The following ATG2B variants were observed in gnomAD, a reference collection of about 807,000 sequenced individuals.
The protein encoded by ATG2B is autophagy related 2B.
A neutral mutation model predicts 241.3 loss-of-function variants in ATG2B; 121 were observed. That is an observed-to-expected ratio of 0.50 (90% confidence interval 0.43 to 0.58). ATG2B has a LOEUF of 0.58. Among genes scored for constraint, ATG2B ranks in the 20% least tolerant of loss-of-function variants. The pLI, the probability that ATG2B is intolerant of heterozygous loss-of-function variation, is 0.00. For synonymous variants in ATG2B, 858 were observed against 876.6 expected (o/e 0.98, Z 0.37); for missense variants, 2,306 against 2,491.6 (o/e 0.93, Z 1.59).
chr14:96,353,356 G>A (rs1216881894), intron 1 of ATG2B, among the ~76,000 whole-genome samples: 1 of 152,172 alleles, frequency 6.6e-6, no homozygotes, highest in African/African-American at 2.4e-5. Flanking sequence ...TGGGCATGGT[G>A]GCTCCCACCT....
Position 96,285,799 on chromosome 14 carries a change from C to T in ATG2B, c.6193G>A (p.Val2065Ile), listed in dbSNP as rs766373306. The part of the protein sequence containing the change: ...GGMRNQIRPD[V>I]RQDESQKWRH... ...CATTTCTGTGACTCGTCTTGCCGGA[C>T]ATCTGGCCTAATTTGGTTTCTCATG... The change falls in exon 42 of 42, where the codon GTC (valine) becomes ATC (isoleucine). Residue 2065 changes from valine (V) to isoleucine (I), a missense_variant. Around this residue, in one of 2 missense-constraint regions of ATG2B, gnomAD observed 379 missense variants for 480.4 expected, o/e 0.79. Coordinates refer to ENST00000359933, the MANE Select transcript of ATG2B (RefSeq NM_018036.7). This position sits in a 1 kb window ranked among gnomAD's most constrained non-coding sequence, Gnocchi z 4.2. The T allele has an allele frequency of 6.2e-7, 1 of 1,614,118 alleles. No homozygotes were observed. Among genetic ancestry groups the T allele is most frequent in the Non-Finnish European group, 8.5e-7 (1 of 1,180,026 alleles).
intron 28 of ATG2B, among the ~76,000 whole-genome samples, chr14:96,310,128 C>A (rs1887109475): frequency 6.6e-6 from 1 of 152,062 alleles, no homozygotes; most frequent in Admixed American, 6.6e-5. Context: ...TCATTAAACC[C>A]AGATCGTGCT....
chr14:96,283,218 T>G lies in ATG2B; in HGVS notation c.*2537A>C, dbSNP rs1886245083. On this transcript the variant is annotated 3_prime_UTR_variant, in exon 42 of 42. Coordinates refer to ENST00000359933, the MANE Select transcript of ATG2B (RefSeq NM_018036.7). Reference sequence around the variant, plus strand: ...TGCTGACAGATCTCGATGGAGCTGCTTATGGGACTCCATGGGGGGAACTGT... The same window carrying G: ...TGCTGACAGATCTCGATGGAGCTGCGTATGGGACTCCATGGGGGGAACTGT... 1 of 152,258 alleles carries G rather than the reference T, an allele frequency of 6.6e-6. No homozygotes were observed. The highest frequency in any genetic ancestry group is 2.4e-5 in the African/African-American group (1 of 41,432). The allele number at this position is 152,258 out of a possible 1,614,324, so 9.4% of individuals were successfully genotyped here.
rs182802229 is a variant in ATG2B, at chr14:96,337,836, T to C, written c.925-3335A>G. On this transcript the variant is annotated intron_variant, in intron 6 of 41. Coordinates refer to ENST00000359933, the MANE Select transcript of ATG2B (RefSeq NM_018036.7). ...AAAAATGACGGTATTTTGATGGGAA[T>C]TGCATTGAATATGTGGATTGTTGTG... 2.7e-4 allele frequency among the ~76,000 whole-genome samples: 41 copies of C among 152,246 alleles called. 1 individual carries two copies. Among genetic ancestry groups the C allele is most frequent in the East Asian group, 1.9e-4 (1 of 5,184 alleles).
intron 41 of ATG2B, among the ~76,000 whole-genome samples, chr14:96,286,744 C>T (rs1886344797): frequency 6.6e-6 from 1 of 152,020 alleles, no homozygotes; most frequent in Admixed American, 6.6e-5. Flanking sequence ...TCAGAAATCC[C>T]TAGGGAACTC....
rs71103509 is a variant in ATG2B, at chr14:96,288,807, GA to G, written c.6006+848del. 8.5e-3 allele frequency among the ~76,000 whole-genome samples: 1,071 copies of G among 126,016 alleles called. 7 individuals are homozygous for G. The highest frequency in any genetic ancestry group is 0.011 in the Non-Finnish European group (686 of 60,546). The allele number at this position is 126,016 out of a possible 152,430, so 82.7% of individuals were successfully genotyped here. A position where few individuals can be genotyped will look rare whatever the true frequency, so the allele number is the denominator to read the frequency against. ...CAGGGAATGACGCTGACAACACCCA[GA>G]AAAAAAAAAAAAAACAGGGTTCACT... On this transcript the variant is annotated intron_variant, in intron 41 of 41. Transcript: ENST00000359933.
rs1468551365 is a variant in ATG2B, at chr14:96,332,307, G to C, written c.1466C>G (p.Thr489Arg). 1.2e-6 allele frequency: 2 copies of C among 1,607,818 alleles called. No homozygotes were observed. The highest frequency in any genetic ancestry group is 8.5e-7 in the Non-Finnish European group (1 of 1,174,844). The part of the protein sequence containing the change: ...NLVHPTPLQK[T>R]SLPSRSVSVD... ...ACAAATGTCTTATTTTTACTTACAT[G>C]TCTTCTGTAAAGGTGTTGGGTGAAC... Residue 489 changes from threonine to arginine, a missense_variant and splice_region_variant, in exon 10 of 42, where the codon ACA becomes AGA. Transcript: ENST00000359933.
chr14:96,360,430 G>A (rs1036635800), intron 1 of ATG2B, among the ~76,000 whole-genome samples: 1 of 152,156 alleles, frequency 6.6e-6, no homozygotes, highest in African/African-American at 2.4e-5. Context: ...CCATGATTTT[G>A]TTGCTGAAAA....
At chr14:96,352,312 T>C (rs909619551) in intron 1 of ATG2B, among the ~76,000 whole-genome samples, 7 of 152,158 alleles carry the variant, frequency 4.6e-5, no homozygotes, top group Non-Finnish European at 1.0e-4. Flanking sequence ...TAAACAACTA[T>C]GCTACCGGCT....
intron 32 of ATG2B, among the ~76,000 whole-genome samples, chr14:96,304,144 G>A (rs1886868834): frequency 6.6e-6 from 1 of 152,202 alleles, no homozygotes; most frequent in Non-Finnish European, 1.5e-5. Context: ...AGATGCTCTA[G>A]GGCAGCATCT....
rs1293873782 is a variant in ATG2B, at chr14:96,340,275, TG to T, written c.924+1246del. 2.0e-5 allele frequency among the ~76,000 whole-genome samples: 3 copies of T among 149,484 alleles called. No individual in the cohort carries two copies. In the East Asian group the frequency reaches 5.9e-4, roughly 29 times the overall value. On this transcript the variant is annotated intron_variant, in intron 6 of 41. Coordinates refer to ENST00000359933, the MANE Select transcript of ATG2B (RefSeq NM_018036.7). Reference sequence around the variant, plus strand: ...CTCATCCTATATATGGACCCATATATGGACCAAAATATGGACTCATCCTACA... The same window carrying T: ...CTCATCCTATATATGGACCCATATATGACCAAAATATGGACTCATCCTACA...
At chr14:96,352,742 A>T (rs562172701) in intron 1 of ATG2B, among the ~76,000 whole-genome samples, 16 of 152,248 alleles carry the variant, frequency 1.1e-4, no homozygotes, top group South Asian at 1.0e-3. Flanking sequence ...AAGTTCAAAA[A>T]TTTTTTTAAA....
intron 1 of ATG2B, among the ~76,000 whole-genome samples, chr14:96,348,252 A>G (rs1888221679): frequency 6.6e-6 from 1 of 152,230 alleles, no homozygotes; most frequent in Non-Finnish European, 1.5e-5. Flanking sequence ...CAAACTTTGC[A>G]TGTTCTCACT....
chr14:96,331,049 C>T (rs528867804), intron 11 of ATG2B, among the ~76,000 whole-genome samples: 2 of 152,170 alleles, frequency 1.3e-5, no homozygotes, highest in Admixed American at 6.5e-5. Flanking sequence ...ACTGTTTTCA[C>T]GACTGCAGTG....
At chr14:96,325,231 T>C (rs1386394841) in intron 15 of ATG2B, among the ~76,000 whole-genome samples, 1 of 152,118 alleles carries the variant, frequency 6.6e-6, no homozygotes, top group Non-Finnish European at 1.5e-5. Context: ...TCTATTAAAT[T>C]ATAAAAATAA....
rs756396292 is a variant in ATG2B at position 96,311,543 on chromosome 14, T to C, written c.3989A>G (p.Gln1330Arg). 10 of 1,597,170 alleles carry C rather than the reference T, an allele frequency of 6.3e-6. No individual in the cohort carries two copies. Among genetic ancestry groups the C allele is most frequent in the Middle Eastern group, 1.7e-4 (1 of 6,016 alleles). ...TAVKSDSDGE[Q>R]TEPRFELHCS... ...TTTTCATTTATTTTAATAACTCACTTGCTCTCCATCAGAATCAGACTTCAC... is the reference window on the plus strand; with the variant it reads ...TTTTCATTTATTTTAATAACTCACTCGCTCTCCATCAGAATCAGACTTCAC... Residue 1330 changes from glutamine (Q) to arginine (R), a missense_variant and splice_region_variant, in exon 27 of 42, where the codon CAA (glutamine) becomes CGA (arginine). Physicochemically the swap from Gln to Arg is conservative, Grantham distance 43 (BLOSUM62 1). Coordinates refer to ENST00000359933, the MANE Select transcript of ATG2B (RefSeq NM_018036.7).
chr14:96,311,899 A>G (rs1887168893), intron 26 of ATG2B, among the ~76,000 whole-genome samples, 190 bp downstream of exon 26: 1 of 152,210 alleles, frequency 6.6e-6, no homozygotes, highest in East Asian at 1.9e-4. Flanking sequence ...CTGAAAAACC[A>G]GTATCTGAAA....
rs1182818228 is a variant in ATG2B at position 96,285,701 on chromosome 14, A to C, written c.*54T>G. On this transcript the variant is annotated 3_prime_UTR_variant, in exon 42 of 42. Coordinates refer to ENST00000359933, the MANE Select transcript of ATG2B (RefSeq NM_018036.7). The surrounding 1 kb of genome is among the most constrained non-coding windows in gnomAD (Gnocchi z 4.2). The stretch of plus-strand genomic sequence containing the variant: ...AGCTTCCTCTGAAGCTGCTGTCAGG[A>C]CTCTGAGCTCCTGGTTCCACTCTCC... 1.3e-6 allele frequency: 2 copies of C among 1,529,814 alleles called. No individual in the cohort carries two copies. Among genetic ancestry groups the C allele is most frequent in the Non-Finnish European group, 1.8e-6 (2 of 1,107,324 alleles). 94.8% of individuals were successfully genotyped at this position (1,529,814 alleles called of 1,614,324 possible). A position where few individuals can be genotyped will look rare whatever the true frequency, so the allele number is the denominator to read the frequency against.
chr14:96,297,779 A>C (rs1041041016), intron 34 of ATG2B, among the ~76,000 whole-genome samples: 2 of 151,820 alleles, frequency 1.3e-5, no homozygotes, highest in Non-Finnish European at 2.9e-5. Context: ...CAGTAAGACC[A>C]ACAACTCAAT....
Sources: gnomAD v4.1 joint callset for allele counts (sites outside exome capture counted in the v4.1 genomes callset) on GRCh38, gnomAD v4.1.1 for gene constraint, gnomAD v4.1.1 regional missense constraint, Gnocchi (gnomAD v3.1) non-coding constraint, MANE v1.5 for transcripts, NCBI Gene and HGNC (gene_info 2026-07-23, HGNC 2026-07-21) for gene names.